Variants in RFX3 observed in about 807,000 individuals in gnomAD.
The protein encoded by RFX3 is transcription factor RFX3.
In RFX3, 14 loss-of-function variants were observed where a neutral mutation model predicts 98.6. The observed-to-expected ratio is 0.14, with a 90% CI of 0.09 to 0.22. RFX3 has a LOEUF of 0.22. Ranked by LOEUF, RFX3 falls within the 10% of genes least tolerant of loss-of-function variation. RFX3 has a pLI of 1.00. For missense variants in RFX3, 639 were observed against 926.9 expected, an observed-to-expected ratio of 0.69 and a Z score of 4.03; for synonymous variants, 383 against 328.4, an observed-to-expected ratio of 1.17 and a Z score of -1.80.
chr9:3,459,705 T>C (rs1392819270), intron 1 of RFX3, among the ~76,000 whole-genome samples: 3 of 152,110 alleles, frequency 2.0e-5, no homozygotes, highest in Non-Finnish European at 4.4e-5. Flanking sequence ...AGTAATTTCA[T>C]GGGGATTCTT....
intron 11 of RFX3, among the ~76,000 whole-genome samples, chr9:3,269,886 C>A (rs567165542): frequency 6.6e-6 from 1 of 151,978 alleles, no homozygotes; most frequent in South Asian, 2.1e-4. Context: ...CAAAAGCAAC[C>A]GTGAAGGAGG....
chr9:3,416,432 C>T (rs536263569), intron 1 of RFX3, among the ~76,000 whole-genome samples: 1 of 152,090 alleles, frequency 6.6e-6, no homozygotes, highest in Non-Finnish European at 1.5e-5. Flanking sequence ...TTTACTAAAG[C>T]CACTTTAAAC....
intron 2 of RFX3, among the ~76,000 whole-genome samples, chr9:3,371,105 G>C (rs949610461): frequency 6.6e-6 from 1 of 152,148 alleles, no homozygotes; most frequent in East Asian, 1.9e-4. Context: ...ACTATTGTAT[G>C]TGTATAACTG....
chr9:3,474,010 G>A (rs551488143), intron 1 of RFX3, among the ~76,000 whole-genome samples: 22 of 152,320 alleles, frequency 1.4e-4, no homozygotes, highest in African/African-American at 4.6e-4. Flanking sequence ...CATAGTTTCT[G>A]ATTCAGTAGG....
At chr9:3,406,992 C>T (rs1842029093) in intron 1 of RFX3, among the ~76,000 whole-genome samples, 1 of 152,148 alleles carries the variant, frequency 6.6e-6, no homozygotes, top group Non-Finnish European at 1.5e-5. Flanking sequence ...ATAAGTACAT[C>T]TGATTCGCTG....
At chr9:3,502,664 T>A (rs1216862899) in intron 1 of RFX3, among the ~76,000 whole-genome samples, 1 of 152,182 alleles carries the variant, frequency 6.6e-6, no homozygotes, top group Non-Finnish European at 1.5e-5. Flanking sequence ...AAATATTAAA[T>A]TTAACACTTG....
intron 1 of RFX3, among the ~76,000 whole-genome samples, chr9:3,402,952 A>G (rs1363240657): frequency 2.0e-5 from 3 of 152,054 alleles, no homozygotes; most frequent in Non-Finnish European, 2.9e-5. Context: ...GGCATCTTCT[A>G]GAAAGACGAT....
At chr9:3,506,198 G>C (rs1817074723) in intron 1 of RFX3, among the ~76,000 whole-genome samples, 1 of 150,440 alleles carries the variant, frequency 6.6e-6, no homozygotes, top group Middle Eastern at 3.2e-3. Flanking sequence ...ATTTATGAAG[G>C]ACAACTGTTT....
intron 1 of RFX3, among the ~76,000 whole-genome samples, chr9:3,474,358 C>G (rs899997269): frequency 1.1e-4 from 16 of 152,144 alleles, no homozygotes; most frequent in African/African-American, 3.9e-4. Context: ...TATTAACAGT[C>G]AAACTACAAG....
chr9:3,296,955 G>A (rs191832755), intron 5 of RFX3, among the ~76,000 whole-genome samples: 5 of 152,068 alleles, frequency 3.3e-5, no homozygotes, highest in East Asian at 3.9e-4. Flanking sequence ...TAACTTTTAC[G>A]TTTTGACACA....
At chr9:3,312,689 C>A (rs1467884860) in intron 4 of RFX3, among the ~76,000 whole-genome samples, 6 of 152,158 alleles carry the variant, frequency 3.9e-5, no homozygotes, top group Admixed American at 6.5e-5. Flanking sequence ...GCATTTCCAA[C>A]TGAGCAAACA....
At position 3,274,125 on chromosome 9, in the gene RFX3, C is replaced by T. The variant is rs1299731855; in HGVS notation, c.1086+1375G>A. Among the ~76,000 whole-genome samples, 8 of 152,082 alleles carry T rather than the reference C, an allele frequency of 5.3e-5. No individual in the cohort carries two copies. In the South Asian group the frequency reaches 8.3e-4, roughly 16 times the overall value. ...AGGAATGTTGGGAACTGGTAGGACA[C>T]GTTGAAGAACACTTCTGGCACATGT... On this transcript the variant is annotated intron_variant, in intron 9 of 16. Transcript: ENST00000617270.
Position 3,222,935 on chromosome 9 carries a change from A to G in RFX3, c.*2107T>C, listed in dbSNP as rs1472515167. 1.3e-5 allele frequency: 2 copies of G among 152,182 alleles called. No individual in the cohort carries two copies. The highest frequency in any genetic ancestry group is 2.9e-5 in the Non-Finnish European group (2 of 68,032). The allele number at this position is 152,182 out of a possible 1,614,324, so 9.4% of individuals were successfully genotyped here. The stretch of plus-strand genomic sequence containing the variant: ...ATCTAAAATATTTAAATTTTACTTA[A>G]GAAATGTTGTTGATGTTATTTGAGT... On this transcript the variant is annotated 3_prime_UTR_variant, in exon 17 of 17. Transcript: ENST00000617270.
At chr9:3,377,898 AT>A (rs1479227930) in intron 2 of RFX3, among the ~76,000 whole-genome samples, 1 of 152,120 alleles carries the variant, frequency 6.6e-6, no homozygotes, top group South Asian at 2.1e-4. Flanking sequence ...TAGTTTCTGA[AT>A]TTTTTTATTA....
At chr9:3,504,809 A>T (rs1170655642) in intron 1 of RFX3, among the ~76,000 whole-genome samples, 2 of 101,092 alleles carry the variant, frequency 2.0e-5, no homozygotes, top group East Asian at 2.6e-4. Context: ...ATTATATATA[A>T]AATATATATT....
intron 1 of RFX3, among the ~76,000 whole-genome samples, chr9:3,523,466 A>AG (rs1308060152): frequency 1.3e-5 from 2 of 152,218 alleles, no homozygotes. Context: ...AAAATGGAAA[A>AG]GTAATGAAAT....
At chr9:3,435,618 C>A (rs1164774094) in intron 1 of RFX3, among the ~76,000 whole-genome samples, 1 of 151,734 alleles carries the variant, frequency 6.6e-6, no homozygotes, top group Non-Finnish European at 1.5e-5. Context: ...TTACAAATTC[C>A]ATTTACTCTG....
chr9:3,252,134 T>C (rs1821493849), intron 14 of RFX3, among the ~76,000 whole-genome samples: 1 of 152,196 alleles, frequency 6.6e-6, no homozygotes, highest in Non-Finnish European at 1.5e-5. Context: ...CCTGAAATCA[T>C]GTGAACAACT....
At chr9:3,361,987 T>G (rs1225901799) in intron 2 of RFX3, among the ~76,000 whole-genome samples, 1 of 152,104 alleles carries the variant, frequency 6.6e-6, no homozygotes, top group East Asian at 1.9e-4. Flanking sequence ...CACAGGCTAT[T>G]TAATAAATCT....
Sources: allele counts gnomAD v4.1 joint callset (sites outside exome capture counted in the v4.1 genomes callset), GRCh38; gene constraint gnomAD v4.1.1; transcripts MANE v1.5; gene names NCBI Gene and HGNC (gene_info 2026-07-23, HGNC 2026-07-21).